Variants in DNAH5 observed in about 807,000 individuals in gnomAD.
DNAH5 encodes dynein axonemal heavy chain 5.
DNAH5 carries 372 observed loss-of-function variants against 518.2 expected under a neutral mutation model. That is an observed-to-expected ratio of 0.72 (90% CI 0.66 to 0.78). The LOEUF (loss-of-function observed/expected upper bound fraction) is 0.78. Among genes scored for constraint, DNAH5 ranks in the 30% least tolerant of loss-of-function variants. The probability of loss-of-function intolerance (pLI) is 0.00; values close to 1 mark genes in which losing one functional copy is unlikely to be tolerated. For synonymous variants in DNAH5, 2,039 were observed against 2,025.9 expected, an observed-to-expected ratio of 1.01 and a Z score of -0.17; for missense variants, 5,523 against 5,687.0, an observed-to-expected ratio of 0.97 and a Z score of 0.93.
chr5:13,824,232 C>T lies in DNAH5; in HGVS notation c.6546G>A (p.Met2182Ile). ...AAAGATTCATGTCCCGTAGTACACGCATGACAATCGTGGACTCCGTATCCA... is the reference window on the plus strand; with the variant it reads ...AAAGATTCATGTCCCGTAGTACACGTATGACAATCGTGGACTCCGTATCCA... ...NPMDTESTIV[M>I]RVLRDMNLSK... Residue 2182 changes from methionine (M) to isoleucine (I), a missense_variant, in exon 39 of 79, where the codon ATG becomes ATA. Physicochemically the swap from Met to Ile is conservative, Grantham distance 10. Around this residue, in one of 3 missense-constraint regions of DNAH5, gnomAD observed 5,121 missense variants for 5,223.3 expected, o/e 0.98. Transcript: ENST00000265104. The T allele has an allele frequency of 6.2e-7, 1 of 1,613,860 alleles. No individual in the cohort carries two copies. The highest frequency in any genetic ancestry group is 8.5e-7 in the Non-Finnish European group (1 of 1,179,746).
chr5:13,921,322 G>A (rs1311752070), intron 5 of DNAH5, among the ~76,000 whole-genome samples: 1 of 151,950 alleles, frequency 6.6e-6, no homozygotes, highest in African/African-American at 2.4e-5. Flanking sequence ...AGGGCAGAGT[G>A]TCACACTGTC....
intron 1 of DNAH5, among the ~76,000 whole-genome samples, chr5:14,007,017 G>A (rs1318697667): frequency 2.6e-5 from 4 of 152,146 alleles, no homozygotes; most frequent in African/African-American, 9.7e-5. Context: ...GTCTCTTTCT[G>A]GATGTGGACC....
chr5:13,845,964 G>A (rs562791545), intron 31 of DNAH5, among the ~76,000 whole-genome samples: 21 of 148,902 alleles, frequency 1.4e-4, no homozygotes, highest in African/African-American at 5.2e-4. Flanking sequence ...CGAAGTGGCT[G>A]GAACTACAGG....
chr5:13,910,501 A>C (rs866026440), intron 12 of DNAH5, among the ~76,000 whole-genome samples: 13 of 152,216 alleles, frequency 8.5e-5, no homozygotes, highest in Admixed American at 3.9e-4. Context: ...CACAAATTTA[A>C]TGCAAATCAA....
intron 1 of DNAH5, among the ~76,000 whole-genome samples, chr5:14,005,104 T>C (rs450250): frequency 0.76 from 116,127 of 151,880 alleles, 44,602 homozygotes; most frequent in East Asian, 0.97. Context: ...CACTCTCCCC[T>C]GCCCCAGCTG....
At chr5:13,859,307 G>T in intron 30 of DNAH5, 145 bp downstream of exon 30, 1 of 852,434 alleles carries the variant, frequency 1.2e-6, no homozygotes, top group Non-Finnish European at 1.9e-6. Flanking sequence ...TCCCTTTGAA[G>T]AATAACAGCA....
At chr5:13,813,456 A>AT (rs1760992316) in intron 43 of DNAH5, among the ~76,000 whole-genome samples, 1 of 85,112 alleles carries the variant, frequency 1.2e-5, no homozygotes, top group Non-Finnish European at 2.5e-5. Context: ...GGCACTTAAA[A>AT]GAAAAAAAAA....
chr5:13,717,735 G>A (rs1405508919), intron 72 of DNAH5, among the ~76,000 whole-genome samples: 1 of 152,082 alleles, frequency 6.6e-6, no homozygotes, highest in Non-Finnish European at 1.5e-5. Context: ...GGGGAGGGGA[G>A]GAGCTTGCTA....
intron 46 of DNAH5, 71 bp downstream of exon 46, chr5:13,808,973 A>C (rs1015560852): frequency 6.4e-7 from 1 of 1,570,672 alleles, no homozygotes; most frequent in Non-Finnish European, 8.7e-7. Flanking sequence ...AAATAACTAA[A>C]TAAATAAATG....
intron 29 of DNAH5, among the ~76,000 whole-genome samples, chr5:13,861,311 G>A (rs1184182851): frequency 6.6e-6 from 1 of 152,094 alleles, no homozygotes; most frequent in African/African-American, 2.4e-5. Context: ...ATTACTAATG[G>A]TCTAACTTTA....
At chr5:13,898,699 T>C in intron 15 of DNAH5, 1 of 398,318 alleles carries the variant, frequency 2.5e-6, no homozygotes, top group Non-Finnish European at 4.4e-6. Flanking sequence ...TCAGATGAAA[T>C]AATGAGCATG....
At chr5:13,939,169 A>C (rs1472465346) in intron 1 of DNAH5, among the ~76,000 whole-genome samples, 2 of 152,186 alleles carry the variant, frequency 1.3e-5, no homozygotes, top group African/African-American at 2.4e-5. Context: ...CAGTGTCAAC[A>C]ACAGGCCCTG....
chr5:13,920,941 A>T (rs548593452), intron 5 of DNAH5, among the ~76,000 whole-genome samples: 1 of 151,152 alleles, frequency 6.6e-6, no homozygotes, highest in East Asian at 2.0e-4. Flanking sequence ...GTGGACCCAT[A>T]TGAAAAAAAC....
At chr5:13,700,312 C>T (rs1259573897) in intron 78 of DNAH5, among the ~76,000 whole-genome samples, 2 of 152,188 alleles carry the variant, frequency 1.3e-5, no homozygotes, top group Non-Finnish European at 2.9e-5. Context: ...CACTTCATCC[C>T]GCTGTTATCT....
At chr5:13,890,263 C>G (rs1332477786) in intron 17 of DNAH5, among the ~76,000 whole-genome samples, 2 of 151,924 alleles carry the variant, frequency 1.3e-5, no homozygotes, top group Non-Finnish European at 2.9e-5. Flanking sequence ...AAAAATTAGG[C>G]AGGCGTGGCA....
chr5:13,708,481 A>AT, intron 75 of DNAH5, 146 bp from the exon 76 acceptor site: 1 of 780,932 alleles, frequency 1.3e-6, no homozygotes, highest in Non-Finnish European at 2.1e-6. Context: ...AAAAAGAAAA[A>AT]AAAAAAGAAA....
chr5:13,719,165 A>C (rs1744714563), intron 71 of DNAH5, 64 bp from the exon 72 acceptor site: 1 of 1,244,234 alleles, frequency 8.0e-7, no homozygotes, highest in Non-Finnish European at 1.2e-6. Flanking sequence ...AAATTATTAC[A>C]TTCTTTAGAA....
intron 65 of DNAH5, among the ~76,000 whole-genome samples, chr5:13,747,116 C>T (rs1749472107): frequency 6.6e-6 from 1 of 151,832 alleles, no homozygotes; most frequent in African/African-American, 2.4e-5. Context: ...TCAATTCCCA[C>T]CTACGAGTGA....
intron 1 of DNAH5, among the ~76,000 whole-genome samples, chr5:13,961,495 T>C (rs1221855596): frequency 6.6e-6 from 1 of 151,880 alleles, no homozygotes; most frequent in East Asian, 1.9e-4. Context: ...AATACAAAAA[T>C]CAGCTGGGTG....
Sources: gnomAD v4.1 joint callset for allele counts (sites outside exome capture counted in the v4.1 genomes callset) on GRCh38, gnomAD v4.1.1 for gene constraint, gnomAD v4.1.1 regional missense constraint, MANE v1.5 for transcripts, NCBI Gene and HGNC (gene_info 2026-07-23, HGNC 2026-07-21) for gene names.